FAM81A: variants seen among roughly 807,000 people sequenced by gnomAD.
FAM81A encodes protein FAM81A.
FAM81A carries 19 observed loss-of-function variants against 46.7 expected under a neutral mutation model. The ratio of observed to expected loss-of-function variants is 0.41; its 90% CI spans 0.28 to 0.60. The LOEUF (loss-of-function observed/expected upper bound fraction) is 0.60. FAM81A is among the 20% of genes least tolerant of loss of function. The pLI is 0.34. For synonymous variants in FAM81A, 183 were observed against 152.9 expected (o/e 1.20, Z -1.45); for missense variants, 377 against 453.5 (o/e 0.83, Z 1.53).
chr15:59,489,758 T>A (rs2081962480), intron 3 of FAM81A, among the ~76,000 whole-genome samples: 1 of 152,116 alleles, frequency 6.6e-6, no homozygotes, highest in South Asian at 2.1e-4. Context: ...TCCATACATC[T>A]ACAGTAAAAT....
At position 59,469,288 on chromosome 15, in the gene FAM81A, C is replaced by T. The variant is rs1407132487; in HGVS notation, c.294+9082C>T. The stretch of plus-strand genomic sequence containing the variant: ...CTTGTTAACCTTGTGTCTCACTGAT[C>T]TGTCTAATATTGACAGTGGGGTGTT... On this transcript the variant is annotated intron_variant, in intron 3 of 8. Coordinates refer to ENST00000288228, the MANE Select transcript of FAM81A (RefSeq NM_152450.3). 6.6e-5 allele frequency among the ~76,000 whole-genome samples: 10 copies of T among 152,298 alleles called. No homozygotes were observed. The East Asian group carries it at 1.5e-3, about 23-fold the overall frequency.
chr15:59,517,716 G>A (rs2082282215), intron 8 of FAM81A, among the ~76,000 whole-genome samples: 1 of 152,116 alleles, frequency 6.6e-6, no homozygotes, highest in Non-Finnish European at 1.5e-5. Context: ...ATTTATAGGA[G>A]CTACAATTAA....
chr15:59,400,853 T>C (rs895035762), intron 1 of FAM81A, among the ~76,000 whole-genome samples: 1 of 152,224 alleles, frequency 6.6e-6, no homozygotes, highest in Admixed American at 6.5e-5. Flanking sequence ...CACATGTTGG[T>C]TTATAATTTT....
chr15:59,472,778 C>T (rs916997875), intron 3 of FAM81A, among the ~76,000 whole-genome samples: 3 of 151,988 alleles, frequency 2.0e-5, no homozygotes, highest in Non-Finnish European at 4.4e-5. Context: ...TCCATTAACC[C>T]CCTTAAGTTA....
chr15:59,507,387 T>G, intron 5 of FAM81A, 45 bp downstream of exon 5: 1 of 1,594,312 alleles, frequency 6.3e-7, no homozygotes, highest in Non-Finnish European at 8.5e-7. Flanking sequence ...TAATTTGTTC[T>G]TAGCTAAGAA....
At chr15:59,477,119 CAAAA>C (rs75168770) in intron 3 of FAM81A, among the ~76,000 whole-genome samples, 1 of 106,896 alleles carries the variant, frequency 9.4e-6, no homozygotes. Flanking sequence ...GACTCTGACT[CAAAA>C]AAAAAAAAAG....
At chr15:59,516,869 C>T in intron 8 of FAM81A, 29 bp downstream of exon 8, 1 of 1,539,218 alleles carries the variant, frequency 6.5e-7, no homozygotes, top group South Asian at 1.3e-5. Flanking sequence ...AGCTCACGTG[C>T]TTTATTTTCT....
chr15:59,449,495 T>C (rs1485982088), intron 1 of FAM81A, among the ~76,000 whole-genome samples: 3 of 152,140 alleles, frequency 2.0e-5, no homozygotes, highest in South Asian at 2.1e-4. Context: ...AAAAATGACA[T>C]TGTAGGCCGG....
intron 1 of FAM81A, among the ~76,000 whole-genome samples, chr15:59,448,919 C>T (rs1339305111): frequency 6.6e-6 from 1 of 152,128 alleles, no homozygotes; most frequent in Non-Finnish European, 1.5e-5. Context: ...CCTACTTCAG[C>T]CTCTAAAAAT....
At chr15:59,455,990 G>A (rs1022231576) in intron 1 of FAM81A, among the ~76,000 whole-genome samples, 1 of 152,184 alleles carries the variant, frequency 6.6e-6, no homozygotes, top group Non-Finnish European at 1.5e-5. Context: ...GGTCAGCCCT[G>A]TGTTTATTAA....
intron 2 of FAM81A, among the ~76,000 whole-genome samples, chr15:59,411,231 T>C (rs1158979994): frequency 6.6e-6 from 1 of 152,162 alleles, no homozygotes; most frequent in Admixed American, 6.5e-5. Context: ...AGGCTGGGAT[T>C]TGCTTTGGGA....
chr15:59,486,181 AGAAAGAAAG>A (rs1161730115), intron 3 of FAM81A, among the ~76,000 whole-genome samples: 3 of 152,154 alleles, frequency 2.0e-5, no homozygotes, highest in Non-Finnish European at 2.9e-5. Context: ...CTCTGAAGAA[AGAAAGAAAG>A]GAAAGAAAGG....
intron 1 of FAM81A, among the ~76,000 whole-genome samples, chr15:59,448,712 A>C (rs532567651): frequency 6.6e-6 from 1 of 152,068 alleles, no homozygotes; most frequent in Non-Finnish European, 1.5e-5. Context: ...CTGTTGCCCA[A>C]GCTGGAGTGC....
chr15:59,419,729 C>T (rs750947405), intron 2 of FAM81A, among the ~76,000 whole-genome samples: 9 of 152,080 alleles, frequency 5.9e-5, no homozygotes, highest in African/African-American at 9.7e-5. Context: ...CAAAAATTGG[C>T]CGGGCGTGCT....
intron 3 of FAM81A, among the ~76,000 whole-genome samples, chr15:59,487,189 T>A (rs199692215): frequency 1.8e-4 from 26 of 144,824 alleles, no homozygotes; most frequent in African/African-American, 2.5e-4. Flanking sequence ...TATATATATT[T>A]TATATATATA....
chr15:59,509,631 G>A lies in FAM81A; in HGVS notation c.650+662G>A, dbSNP rs567264251. The stretch of plus-strand genomic sequence containing the variant: ...TTGAGGACGGGGCAAAGAATTCCAA[G>A]CCAAGGAACACATGAGGCCACTAGA... On this transcript the variant is annotated intron_variant, in intron 6 of 8. Coordinates refer to ENST00000288228, the MANE Select transcript of FAM81A (RefSeq NM_152450.3). Among the ~76,000 whole-genome samples, 10 of 152,306 alleles carry A rather than the reference G, an allele frequency of 6.6e-5. No individual in the cohort carries two copies. In the South Asian group the frequency reaches 2.1e-3, roughly 32 times the overall value.
At chr15:59,492,972 G>T (rs1228044260) in intron 4 of FAM81A, among the ~76,000 whole-genome samples, 2 of 152,194 alleles carry the variant, frequency 1.3e-5, no homozygotes, top group African/African-American at 4.8e-5. Flanking sequence ...GCATGGGAAA[G>T]TCCGGGAAGC....
chr15:59,487,756 A>C (rs773161749), intron 3 of FAM81A, among the ~76,000 whole-genome samples: 1 of 152,146 alleles, frequency 6.6e-6, no homozygotes, highest in African/African-American at 2.4e-5. Flanking sequence ...GATTGAAGCC[A>C]TAATAAAAAC....
intron 1 of FAM81A, among the ~76,000 whole-genome samples, chr15:59,442,868 CT>C (rs368424394): frequency 1.4e-4 from 22 of 152,210 alleles, no homozygotes; most frequent in African/African-American, 5.3e-4. Flanking sequence ...GTCATTTTCC[CT>C]GAACCATTTT....
Sources: allele counts gnomAD v4.1 joint callset (sites outside exome capture counted in the v4.1 genomes callset), GRCh38; gene constraint gnomAD v4.1.1; transcripts MANE v1.5; gene names NCBI Gene and HGNC (gene_info 2026-07-23, HGNC 2026-07-21).